SCAPER: variants seen among roughly 807,000 people sequenced by gnomAD.
The protein encoded by SCAPER is S-phase cyclin A associated protein in the ER.
A neutral mutation model predicts 182.2 loss-of-function variants in SCAPER; 98 were observed. The observed-to-expected ratio is 0.54, with a 90% CI of 0.46 to 0.64. SCAPER has a LOEUF of 0.64. SCAPER is among the 30% of genes least tolerant of loss of function. SCAPER has a pLI of 0.00. For synonymous variants in SCAPER, 605 were observed against 564.6 expected, an observed-to-expected ratio of 1.07 and a Z score of -1.01; for missense variants, 1,432 against 1,690.0, an observed-to-expected ratio of 0.85 and a Z score of 2.68.
Position 76,376,301 on chromosome 15 carries a change from C to G in SCAPER, c.3716G>C (p.Gly1239Ala), listed in dbSNP as rs1035555157. Residue 1239 changes from glycine to alanine, a missense_variant, in exon 29 of 32, where the codon GGG becomes GCG. Physicochemically the swap from Gly to Ala is moderately conservative, Grantham distance 60 (BLOSUM62 0). Around this residue, in one of 5 missense-constraint regions of SCAPER, gnomAD observed 718 missense variants for 799.7 expected, o/e 0.90. Coordinates refer to ENST00000563290, the MANE Select transcript of SCAPER (RefSeq NM_020843.4). ...LHLPAFQSIV[G>A]AEGLSLAFRH... ...GAATGCAAGGGACAAGCCCTCTGCC[C>G]CTACAATAGACTGACAAAGACAAGG... The G allele has an allele frequency of 6.2e-7, 1 of 1,612,116 alleles. No individual in the cohort carries two copies. The highest frequency in any genetic ancestry group is 1.7e-5 in the Admixed American group (1 of 59,692).
rs1205661296 is a variant in SCAPER, at chr15:76,592,855, G to A, written c.2712-18571C>T. Among the ~76,000 whole-genome samples, 2 of 120,996 alleles carry A rather than the reference G, an allele frequency of 1.7e-5. 1 individual carries two copies. Among genetic ancestry groups the A allele is most frequent in the Non-Finnish European group, 4.0e-5 (2 of 49,722 alleles). 79.4% of individuals were successfully genotyped at this position (120,996 alleles called of 152,430 possible). ...CCAGGAGATTCCCTTGGGTGCCTAT[G>A]CCACCAGGGCCCTGGGTTTCAAGCA... On this transcript the variant is annotated intron_variant, in intron 22 of 31. Transcript: ENST00000563290.
chr15:76,767,992 G>A (rs534511545), intron 10 of SCAPER, among the ~76,000 whole-genome samples: 2 of 152,178 alleles, frequency 1.3e-5, no homozygotes, highest in Non-Finnish European at 2.9e-5. Flanking sequence ...AATAATAAAA[G>A]GGTCAATTCA....
chr15:76,490,705 A>G (rs2143319972), intron 24 of SCAPER, among the ~76,000 whole-genome samples: 1 of 152,160 alleles, frequency 6.6e-6, no homozygotes, highest in African/African-American at 2.4e-5. Context: ...CCATGAATTC[A>G]CTGTCAAGAT....
intron 27 of SCAPER, among the ~76,000 whole-genome samples, chr15:76,384,714 G>A (rs1017990680): frequency 3.3e-5 from 5 of 152,154 alleles, no homozygotes; most frequent in African/African-American, 9.7e-5. Flanking sequence ...GAATATATGG[G>A]GGCAAGGGGA....
chr15:76,860,989 A>G (rs2071818851), intron 3 of SCAPER, among the ~76,000 whole-genome samples: 2 of 152,286 alleles, frequency 1.3e-5, no homozygotes, highest in African/African-American at 2.4e-5. Flanking sequence ...ATTAAATACC[A>G]TAAGAAGCCA....
intron 21 of SCAPER, among the ~76,000 whole-genome samples, chr15:76,640,091 G>A (rs1243166611): frequency 6.6e-6 from 1 of 152,044 alleles, no homozygotes; most frequent in Non-Finnish European, 1.5e-5. Context: ...AATAATAATG[G>A]GCTTGATTGC....
At chr15:76,646,194 C>T (rs1417609306) in intron 21 of SCAPER, among the ~76,000 whole-genome samples, 1 of 152,164 alleles carries the variant, frequency 6.6e-6, no homozygotes, top group Non-Finnish European at 1.5e-5. Context: ...AGTTAGCCCT[C>T]CATATCTGCA....
At chr15:76,828,275 T>C (rs757332736) in intron 5 of SCAPER, among the ~76,000 whole-genome samples, 6 of 151,720 alleles carry the variant, frequency 4.0e-5, no homozygotes, top group Admixed American at 1.3e-4. Context: ...TATTCTGTTA[T>C]AAGCAATAGA....
intron 27 of SCAPER, 110 bp from the exon 28 acceptor site, chr15:76,381,725 G>A: frequency 1.2e-6 from 1 of 847,178 alleles, no homozygotes; most frequent in Non-Finnish European, 1.8e-6. Flanking sequence ...AACCATCTGA[G>A]TTGTATAGTA....
intron 5 of SCAPER, among the ~76,000 whole-genome samples, chr15:76,823,184 C>T (rs1029368220): frequency 3.9e-5 from 6 of 152,116 alleles, no homozygotes; most frequent in East Asian, 1.9e-4. Context: ...TTGGGCTGGG[C>T]GCTGTGGCTC....
chr15:76,559,201 AT>A (rs58642207), intron 23 of SCAPER, among the ~76,000 whole-genome samples: 3,566 of 121,354 alleles, frequency 0.029, 97 homozygotes, highest in African/African-American at 0.11. Context: ...CACCCAGCTA[AT>A]TTTTTTTTTT....
At chr15:76,893,050 T>C (rs1330953934) in intron 1 of SCAPER, among the ~76,000 whole-genome samples, 2 of 152,174 alleles carry the variant, frequency 1.3e-5, no homozygotes, top group East Asian at 1.9e-4. Flanking sequence ...AAACCATTAT[T>C]CTCAGCAAAC....
chr15:76,591,322 C>T (rs1310295112), intron 22 of SCAPER, among the ~76,000 whole-genome samples: 1 of 151,904 alleles, frequency 6.6e-6, no homozygotes, highest in Non-Finnish European at 1.5e-5. Context: ...GTTTGGTTTT[C>T]TGCCCTGCAA....
intron 25 of SCAPER, among the ~76,000 whole-genome samples, chr15:76,463,689 C>A (rs867502825): frequency 2.1e-4 from 32 of 152,222 alleles, no homozygotes; most frequent in African/African-American, 6.0e-4. Context: ...AATTATAAAT[C>A]TTTTAATTAA....
chr15:76,593,815 C>T lies in SCAPER; in HGVS notation c.2712-19531G>A, dbSNP rs1400227868. ...AGGACATCCACACAGAAACCCCATCCGAAGGTCACCAACATCAAAGACCAA... is the reference window on the plus strand; with the variant it reads ...AGGACATCCACACAGAAACCCCATCTGAAGGTCACCAACATCAAAGACCAA... On this transcript the variant is annotated intron_variant, in intron 22 of 31. Transcript: ENST00000563290. 3.1e-4 allele frequency among the ~76,000 whole-genome samples: 38 copies of T among 120,942 alleles called. 5 individuals carry two copies. The highest frequency in any genetic ancestry group is 9.3e-4 in the African/African-American group (37 of 39,618). The allele number at this position is 120,942 out of a possible 152,430, so 79.3% of individuals were successfully genotyped here.
At chr15:76,734,880 CTCTCTATA>C (rs927815247) in intron 15 of SCAPER, among the ~76,000 whole-genome samples, 5 of 151,986 alleles carry the variant, frequency 3.3e-5, no homozygotes, top group African/African-American at 1.2e-4. Context: ...CCATCTCTCT[CTCTCTATA>C]TATATATATA....
chr15:76,590,842 A>G (rs544439940), intron 22 of SCAPER, among the ~76,000 whole-genome samples: 8 of 152,380 alleles, frequency 5.3e-5, no homozygotes, highest in African/African-American at 1.4e-4. Flanking sequence ...CACACAAGGA[A>G]ATACTATTCA....
intron 22 of SCAPER, among the ~76,000 whole-genome samples, chr15:76,618,381 T>C (rs1266059321): frequency 6.6e-6 from 1 of 152,242 alleles, no homozygotes; most frequent in Non-Finnish European, 1.5e-5. Context: ...ATATTCCTTC[T>C]TTCAAAAATT....
intron 2 of SCAPER, among the ~76,000 whole-genome samples, chr15:76,870,889 A>C (rs2072674729): frequency 6.6e-6 from 1 of 152,142 alleles, no homozygotes; most frequent in Admixed American, 6.5e-5. Flanking sequence ...TTTTTTTAAT[A>C]AAAAGGTAAA....
Sources: allele counts gnomAD v4.1 joint callset (sites outside exome capture counted in the v4.1 genomes callset), GRCh38; gene constraint gnomAD v4.1.1; regional missense constraint gnomAD v4.1.1; transcripts MANE v1.5; gene names NCBI Gene and HGNC (gene_info 2026-07-23, HGNC 2026-07-21).